Variants in ARID5B observed in about 807,000 individuals in gnomAD.
ARID5B encodes AT-rich interactive domain-containing protein 5B.
In ARID5B, 13 loss-of-function variants were observed where a neutral mutation model predicts 97.2. The ratio of observed to expected loss-of-function variants is 0.13; its 90% CI spans 0.09 to 0.21. The LOEUF (loss-of-function observed/expected upper bound fraction) is 0.21. Ranked by LOEUF, ARID5B falls within the 10% of genes least tolerant of loss-of-function variation. ARID5B has a pLI of 1.00. For synonymous variants in ARID5B, 556 were observed against 570.3 expected (o/e 0.97, Z 0.36); for missense variants, 1,210 against 1,465.3 (o/e 0.83, Z 2.84).
intron 4 of ARID5B, among the ~76,000 whole-genome samples, chr10:62,038,763 T>C (rs1839596696): frequency 6.6e-6 from 1 of 152,248 alleles, no homozygotes; most frequent in African/African-American, 2.4e-5. Context: ...TTGTCACCTG[T>C]ATTGGAGTAA....
chr10:61,967,532 T>TG (rs1838562895), intron 3 of ARID5B, among the ~76,000 whole-genome samples: 1 of 152,212 alleles, frequency 6.6e-6, no homozygotes. Flanking sequence ...GTTCACACAG[T>TG]GTCATGCACC....
In ARID5B at chr10:62,092,492, G is replaced by A. The variant is rs137983907; in HGVS notation, c.3029G>A (p.Arg1010Gln). The A allele has an allele frequency of 1.4e-5, 23 of 1,614,154 alleles. No homozygotes were observed. The highest frequency in any genetic ancestry group is 2.7e-5 in the African/African-American group (2 of 75,056). ...AGCCCGCAGAACATTGGGGCGGCGCGGCCGATCAAGCGCAGCCTGGAGGAT... is the reference window on the plus strand; with the variant it reads ...AGCCCGCAGAACATTGGGGCGGCGCAGCCGATCAAGCGCAGCCTGGAGGAT... ...KMSPQNIGAA[R>Q]PIKRSLEDLD... The change falls in exon 10 of 10, where the codon CGG (arginine) becomes CAG (glutamine). Residue 1010 changes from arginine to glutamine, a missense_variant. Physicochemically the swap from Arg to Gln is conservative, Grantham distance 43. This residue lies in a region of ARID5B where 800 missense variants were observed against 839.1 expected (regional missense o/e 0.95). Transcript: ENST00000279873.
intron 4 of ARID5B, among the ~76,000 whole-genome samples, chr10:62,009,869 A>G (rs1839194586): frequency 6.6e-6 from 1 of 152,234 alleles, no homozygotes; most frequent in Admixed American, 6.5e-5. Flanking sequence ...ATGGATCTTC[A>G]ACTGGACCTT....
At chr10:61,980,785 TCA>T (rs1838766562) in intron 3 of ARID5B, among the ~76,000 whole-genome samples, 1 of 152,146 alleles carries the variant, frequency 6.6e-6, no homozygotes, top group Non-Finnish European at 1.5e-5. Context: ...TCCTCCAAAA[TCA>T]CAGGTTTTGT....
Position 61,938,132 on chromosome 10 carries a change from C to T in ARID5B, c.277-2051C>T, listed in dbSNP as rs1844338038. ...AAAAAGGGAGGACAAAACCTATAGA[C>T]TGAATCATAAAAGATGGGTTTATTC... On this transcript the variant is annotated intron_variant, in intron 2 of 9. Coordinates refer to ENST00000279873, the MANE Select transcript of ARID5B (RefSeq NM_032199.3). 3.3e-5 allele frequency among the ~76,000 whole-genome samples: 5 copies of T among 152,146 alleles called. No homozygotes were observed. In the South Asian group the frequency reaches 1.0e-3, roughly 31 times the overall value.
At chr10:62,044,446 T>C (rs1839680721) in intron 4 of ARID5B, among the ~76,000 whole-genome samples, 1 of 150,522 alleles carries the variant, frequency 6.6e-6, no homozygotes, top group African/African-American at 2.4e-5. Flanking sequence ...AGTGGCACAG[T>C]CTAGGCTCAC....
intron 4 of ARID5B, among the ~76,000 whole-genome samples, chr10:62,045,396 T>G (rs920884935): frequency 6.6e-6 from 1 of 151,918 alleles, no homozygotes; most frequent in Admixed American, 6.6e-5. Context: ...TTAGGGTAGG[T>G]TACTCCTCCC....
At chr10:61,967,487 T>C (rs1250693065) in intron 3 of ARID5B, among the ~76,000 whole-genome samples, 1 of 152,262 alleles carries the variant, frequency 6.6e-6, no homozygotes, top group Non-Finnish European at 1.5e-5. Flanking sequence ...ATATGTGGTA[T>C]GAGACAACAC....
intron 3 of ARID5B, among the ~76,000 whole-genome samples, chr10:61,993,756 GGAATAGCGCCAGGTATATAA>G (rs1371102085): frequency 6.6e-6 from 1 of 152,164 alleles, no homozygotes; most frequent in East Asian, 1.9e-4. Context: ...AGTAAGAATT[GGAATAGCGCCAGGTATATAA>G]AGTTGATGCT....
intron 5 of ARID5B, among the ~76,000 whole-genome samples, chr10:62,053,299 C>T (rs1839814885): frequency 6.6e-6 from 1 of 152,172 alleles, no homozygotes; most frequent in Non-Finnish European, 1.5e-5. Context: ...TCATGCAGCT[C>T]CACACAGCAA....
At chr10:62,074,828 G>A (rs1840107188) in intron 8 of ARID5B, among the ~76,000 whole-genome samples, 1 of 152,178 alleles carries the variant, frequency 6.6e-6, no homozygotes, top group African/African-American at 2.4e-5. Flanking sequence ...TTTTCTACTA[G>A]CCCATAACAA....
intron 5 of ARID5B, among the ~76,000 whole-genome samples, chr10:62,053,492 G>A (rs996387064): frequency 2.0e-5 from 3 of 152,218 alleles, no homozygotes; most frequent in African/African-American, 4.8e-5. Context: ...CAAGTGTCAC[G>A]TGGGGAGGAA....
chr10:62,094,458 TGA>T lies in ARID5B; in HGVS notation c.*1430_*1431del, dbSNP rs1349213411. On this transcript the variant is annotated 3_prime_UTR_variant, in exon 10 of 10. Transcript: ENST00000279873. ...TCATCCTATTTGGTTTTATGGGGTG[TGA>T]GTTTTGTGTGTACACACACAGAAAC... 4.3e-6 allele frequency: 1 copy of T among 230,792 alleles called. No homozygotes were observed. The highest frequency in any genetic ancestry group is 2.2e-5 in the African/African-American group (1 of 45,238). 14.3% of individuals were successfully genotyped at this position (230,792 alleles called of 1,614,324 possible). A position where few individuals can be genotyped will look rare whatever the true frequency, so the allele number is the denominator to read the frequency against.
intron 4 of ARID5B, among the ~76,000 whole-genome samples, chr10:62,037,564 A>T (rs1839582036): frequency 6.6e-6 from 1 of 152,208 alleles, no homozygotes; most frequent in African/African-American, 2.4e-5. Context: ...CCATAATAGG[A>T]ATTAAACAAA....
intron 4 of ARID5B, among the ~76,000 whole-genome samples, chr10:62,035,009 A>C (rs1839544020): frequency 6.6e-6 from 1 of 152,222 alleles, no homozygotes; most frequent in African/African-American, 2.4e-5. Context: ...TTGGCAAAAC[A>C]GGTGAGATCT....
intron 8 of ARID5B, among the ~76,000 whole-genome samples, chr10:62,070,191 T>G (rs1840045446): frequency 6.6e-6 from 1 of 152,194 alleles, no homozygotes; most frequent in Non-Finnish European, 1.5e-5. Context: ...CATTGAAAAG[T>G]AAGGATTTCT....
chr10:61,946,580 T>A (rs759477609), intron 3 of ARID5B, among the ~76,000 whole-genome samples: 1 of 152,210 alleles, frequency 6.6e-6, no homozygotes, highest in African/African-American at 2.4e-5. Flanking sequence ...TGTTGCACTA[T>A]ACTATTCATG....
intron 2 of ARID5B, among the ~76,000 whole-genome samples, chr10:61,920,724 A>G (rs974480860): frequency 1.4e-4 from 22 of 152,198 alleles, no homozygotes; most frequent in African/African-American, 5.1e-4. Flanking sequence ...ATTTTTAAAT[A>G]TGGGCCTTTG....
intron 3 of ARID5B, among the ~76,000 whole-genome samples, chr10:61,975,183 G>A (rs1240585193): frequency 6.6e-6 from 1 of 152,110 alleles, no homozygotes; most frequent in Non-Finnish European, 1.5e-5. Context: ...CAGAACCACT[G>A]TTTGAGATGG....
Sources: gnomAD v4.1 joint callset for allele counts (sites outside exome capture counted in the v4.1 genomes callset) on GRCh38, gnomAD v4.1.1 for gene constraint, gnomAD v4.1.1 regional missense constraint, MANE v1.5 for transcripts, NCBI Gene and HGNC (gene_info 2026-07-23, HGNC 2026-07-21) for gene names.